RAD50: variants seen among roughly 807,000 people sequenced by gnomAD.
RAD50 encodes RAD50 double strand break repair protein.
RAD50 carries 132 observed loss-of-function variants against 168.8 expected under a neutral mutation model. The ratio of observed to expected loss-of-function variants is 0.78; its 90% CI spans 0.68 to 0.90. The LOEUF is 0.90. RAD50 is among the 40% of genes least tolerant of loss of function. The pLI is 0.00. For synonymous variants in RAD50, 525 were observed against 497.4 expected (o/e 1.06, Z -0.74); for missense variants, 1,347 against 1,534.4 (o/e 0.88, Z 2.04).
Position 132,605,151 on chromosome 5 carries a change from T to G in RAD50, c.2718+152T>G, listed in dbSNP as rs900412911. On this transcript the variant is annotated intron_variant, in intron 16 of 24. Transcript: ENST00000378823. Reference sequence around the variant, plus strand: ...CCTCCATCTCCTGGGTTCAAGTGATTCTCTTGCCTCAGCCTCTGGAGTAGC... The same window carrying G: ...CCTCCATCTCCTGGGTTCAAGTGATGCTCTTGCCTCAGCCTCTGGAGTAGC... 7.6e-6 allele frequency: 4 copies of G among 529,134 alleles called. No homozygotes were observed. In the Admixed American group the frequency reaches 1.5e-4, roughly 19 times the overall value. The allele number at this position is 529,134 out of a possible 1,614,324, so 32.8% of individuals were successfully genotyped here.
intron 2 of RAD50, among the ~76,000 whole-genome samples, chr5:132,574,418 A>C (rs1410067684): frequency 6.6e-6 from 1 of 152,174 alleles, no homozygotes; most frequent in Non-Finnish European, 1.5e-5. Context: ...CCTAGACCGC[A>C]CACAGCAGAG....
intron 10 of RAD50, 94 bp from the exon 11 acceptor site, chr5:132,591,783 C>T (rs1580994689): frequency 1.1e-6 from 1 of 922,638 alleles, no homozygotes; most frequent in East Asian, 2.7e-5. Flanking sequence ...TAGTTTTAAG[C>T]TTAGAACTTT....
chr5:132,609,910 C>T (rs1751055562), intron 19 of RAD50, among the ~76,000 whole-genome samples: 1 of 149,962 alleles, frequency 6.7e-6, no homozygotes, highest in South Asian at 2.1e-4. Context: ...AGTGTTCCTC[C>T]CCTTCTCCTA....
chr5:132,641,268 A>AG (rs773582577), intron 24 of RAD50, among the ~76,000 whole-genome samples: 3 of 152,226 alleles, frequency 2.0e-5, no homozygotes, highest in Non-Finnish European at 2.9e-5. Context: ...ATTTGAGATT[A>AG]GGTAAAGTCC....
chr5:132,602,847 T>C (rs1750913246), intron 13 of RAD50, among the ~76,000 whole-genome samples: 2 of 152,196 alleles, frequency 1.3e-5, no homozygotes, highest in African/African-American at 4.8e-5. Flanking sequence ...GCTCCTGCAG[T>C]CTGTAACAAT....
intron 21 of RAD50, among the ~76,000 whole-genome samples, chr5:132,629,481 A>G (rs1751426112): frequency 6.6e-6 from 1 of 152,190 alleles, no homozygotes; most frequent in Non-Finnish European, 1.5e-5. Flanking sequence ...CTAGCAATTT[A>G]GGCTTGTTAA....
At position 132,588,018 on chromosome 5, in the gene RAD50, G is replaced by T; in HGVS notation, c.980G>T (p.Arg327Leu). ...GAAAGGAAATTGGTAGACTGTCATC[G>T]TGAACTGGAAAAACTAAATAAAGAA... is the stretch of plus-strand genomic sequence containing the variant. ...EKERKLVDCHRELEKLNKESR... is the reference protein window; with the variant it reads ...EKERKLVDCHLELEKLNKESR... Residue 327 changes from arginine (R) to leucine (L), a missense_variant, in exon 7 of 25, where the codon CGT (arginine) becomes CTT (leucine). Transcript: ENST00000378823. The T allele has an allele frequency of 6.2e-7, 1 of 1,611,972 alleles. No individual in the cohort carries two copies. The highest frequency in any genetic ancestry group is 8.5e-7 in the Non-Finnish European group (1 of 1,178,232).
intron 21 of RAD50, among the ~76,000 whole-genome samples, chr5:132,619,789 TCTCTCTCTCTCTCTCTCTCTCTACTC>T (rs1179539222): frequency 7.2e-6 from 1 of 138,620 alleles, no homozygotes; most frequent in African/African-American, 3.0e-5. Flanking sequence ...TACTCCTCTC[TCTCTCTCTCTCTCTCTCTCTCTACTC>T]CTCTCTCTCT....
intron 21 of RAD50, chr5:132,631,014 T>A (rs1751453647): frequency 6.6e-6 from 1 of 152,148 alleles, no homozygotes; most frequent in South Asian, 2.1e-4. Flanking sequence ...CAATCGATTG[T>A]TACTGAAATT....
chr5:132,582,451 C>T (rs1465248456), intron 5 of RAD50, among the ~76,000 whole-genome samples: 1 of 152,126 alleles, frequency 6.6e-6, no homozygotes, highest in Non-Finnish European at 1.5e-5. Context: ...TTCATAGAAC[C>T]CAATTAAAGT....
Position 132,563,956 on chromosome 5 carries a change from T to C in RAD50, c.213+4589T>C, listed in dbSNP as rs62383709. 5.6e-3 allele frequency among the ~76,000 whole-genome samples: 853 copies of C among 152,334 alleles called. 4 individuals are homozygous for C. Among genetic ancestry groups the C allele is most frequent in the Non-Finnish European group, 8.5e-3 (577 of 68,038 alleles). On this transcript the variant is annotated intron_variant, in intron 2 of 24. Coordinates refer to ENST00000378823, the MANE Select transcript of RAD50 (RefSeq NM_005732.4). ...CCGTGTAAGATGTGCCAGCCTCCTCTTCACCTTCTGCCATGATTGTAAGTT... is the reference window on the plus strand; with the variant it reads ...CCGTGTAAGATGTGCCAGCCTCCTCCTCACCTTCTGCCATGATTGTAAGTT...
chr5:132,587,359 C>T lies in RAD50; in HGVS notation c.757-203C>T, dbSNP rs184402858. Among the ~76,000 whole-genome samples, 341 of 152,280 alleles carry T rather than the reference C, an allele frequency of 2.2e-3. 6 individuals carry two copies. Among genetic ancestry groups the T allele is most frequent in the Middle Eastern group, 0.014 (4 of 294 alleles). ...GAAGTGGAATTTAATTCCTGCTTCTCTCTACTAGCTGTGAGGACTTGGGCC... is the reference window on the plus strand; with the variant it reads ...GAAGTGGAATTTAATTCCTGCTTCTTTCTACTAGCTGTGAGGACTTGGGCC... On this transcript the variant is annotated intron_variant, in intron 5 of 24. Coordinates refer to ENST00000378823, the MANE Select transcript of RAD50 (RefSeq NM_005732.4).
At chr5:132,582,624 A>C (rs1208734306) in intron 5 of RAD50, among the ~76,000 whole-genome samples, 1 of 152,056 alleles carries the variant, frequency 6.6e-6, no homozygotes, top group Non-Finnish European at 1.5e-5. Context: ...TTTTTGGCCT[A>C]CTTAGATCTG....
At chr5:132,577,631 G>GTCC (rs1373882187) in intron 3 of RAD50, among the ~76,000 whole-genome samples, 37 of 152,048 alleles carry the variant, frequency 2.4e-4, no homozygotes, top group African/African-American at 8.9e-4. Context: ...ATTAGGCTCA[G>GTCC]TCCTGTATCT....
chr5:132,637,730 C>T (rs1751618620), intron 22 of RAD50, among the ~76,000 whole-genome samples: 1 of 152,156 alleles, frequency 6.6e-6, no homozygotes, highest in Non-Finnish European at 1.5e-5. Flanking sequence ...GATGGGGTTT[C>T]ACCATGTTGG....
chr5:132,580,672 G>A (rs1055621437), intron 5 of RAD50, among the ~76,000 whole-genome samples: 1 of 151,972 alleles, frequency 6.6e-6, no homozygotes, highest in Non-Finnish European at 1.5e-5. Context: ...TCCTCAACCC[G>A]GTGATTTATA....
intron 5 of RAD50, among the ~76,000 whole-genome samples, chr5:132,586,154 C>T (rs183959842): frequency 2.0e-5 from 3 of 150,814 alleles, no homozygotes; most frequent in East Asian, 1.9e-4. Flanking sequence ...ATTTCAGAAT[C>T]TTAATATGAT....
In RAD50 at chr5:132,595,635, C is replaced by CAG. The variant is rs771855778; in HGVS notation, c.2033_2034dup (p.Cys680HisfsTer41). ...CATTACTCAGCTAACAGACGAAAAC[C>CAG]AGTCATGTTGCCCCGTTTGTCAGAG... On this transcript the variant is annotated frameshift_variant, in exon 13 of 25. Coordinates refer to ENST00000378823, the MANE Select transcript of RAD50 (RefSeq NM_005732.4). LOFTEE classifies it high-confidence loss of function. 2.5e-6 allele frequency: 4 copies of CAG among 1,614,058 alleles called. No individual in the cohort carries two copies. The highest frequency in any genetic ancestry group is 3.4e-6 in the Non-Finnish European group (4 of 1,180,014).
At chr5:132,568,908 C>T (rs1750254757) in intron 2 of RAD50, among the ~76,000 whole-genome samples, 1 of 152,154 alleles carries the variant, frequency 6.6e-6, no homozygotes, top group Non-Finnish European at 1.5e-5. Flanking sequence ...TGCTCTAGGT[C>T]CCCCTTTACA....
Sources: gnomAD v4.1 joint callset for allele counts (sites outside exome capture counted in the v4.1 genomes callset) on GRCh38, gnomAD v4.1.1 for gene constraint, MANE v1.5 for transcripts, NCBI Gene and HGNC (gene_info 2026-07-23, HGNC 2026-07-21) for gene names.